HECTD4: variants seen among roughly 807,000 people sequenced by gnomAD.
HECTD4 encodes HECT domain E3 ubiquitin protein ligase 4, also known as probable E3 ubiquitin-protein ligase HECTD4.
Under a neutral mutation model 471.5 loss-of-function variants are expected in HECTD4, and 114 were observed. That is an observed-to-expected ratio of 0.24 (90% CI 0.21 to 0.28). The LOEUF (loss-of-function observed/expected upper bound fraction) is 0.28. Ranked by LOEUF, HECTD4 falls within the 10% of genes least tolerant of loss-of-function variation. The pLI is 1.00. For synonymous variants in HECTD4, 2,012 were observed against 2,256.0 expected (o/e 0.89, Z 3.07); for missense variants, 3,866 against 5,651.5 (o/e 0.68, Z 10.13).
At chr12:112,308,462 A>AC (rs1461281096) in intron 6 of HECTD4, among the ~76,000 whole-genome samples, 10 of 151,886 alleles carry the variant, frequency 6.6e-5, no homozygotes, top group Admixed American at 1.3e-4. Flanking sequence ...ACAAAACAAA[A>AC]AAAAAAAACC....
At chr12:112,373,416 G>A (rs2036720611) in intron 1 of HECTD4, among the ~76,000 whole-genome samples, 1 of 152,060 alleles carries the variant, frequency 6.6e-6, no homozygotes, top group African/African-American at 2.4e-5. Context: ...GAGTTACTCG[G>A]GAGGCTGAGG....
intron 7 of HECTD4, among the ~76,000 whole-genome samples, chr12:112,292,813 G>A (rs2034916378): frequency 6.6e-6 from 1 of 152,090 alleles, no homozygotes; most frequent in Admixed American, 6.6e-5. Flanking sequence ...ACAAGGTCAG[G>A]AGTTTGAGAC....
intron 23 of HECTD4, among the ~76,000 whole-genome samples, 193 bp from the exon 24 acceptor site, chr12:112,251,327 T>A (rs1451375865): frequency 1.3e-5 from 2 of 152,204 alleles, no homozygotes; most frequent in African/African-American, 4.8e-5. Flanking sequence ...GAGTGAAGTC[T>A]CAACACATTT....
At chr12:112,290,988 A>G (rs948855224) in intron 7 of HECTD4, among the ~76,000 whole-genome samples, 1 of 152,088 alleles carries the variant, frequency 6.6e-6, no homozygotes, top group African/African-American at 2.4e-5. Context: ...TACCACCTCC[A>G]TCATTACTTC....
intron 1 of HECTD4, among the ~76,000 whole-genome samples, chr12:112,355,079 C>T (rs2036310081): frequency 6.7e-6 from 1 of 150,194 alleles, no homozygotes; most frequent in Non-Finnish European, 1.5e-5. Flanking sequence ...CTCCCGGGTT[C>T]AAGCCATTCT....
intron 1 of HECTD4, among the ~76,000 whole-genome samples, chr12:112,348,433 A>C (rs1420070608): frequency 1.3e-5 from 2 of 152,234 alleles, no homozygotes; most frequent in Non-Finnish European, 2.9e-5. Context: ...TAAAACTTAT[A>C]TTCACTAAAA....
chr12:112,235,474 A>G lies in HECTD4; in HGVS notation c.5725+30T>C, dbSNP rs376533136. 59 of 1,579,008 alleles carry G rather than the reference A, an allele frequency of 3.7e-5. 1 individual carries two copies. The South Asian group carries it at 4.5e-4, about 12-fold the overall frequency. ...CTGGGCACAGGAATGCTGCACTGCC[A>G]TGCTACTCTCCTGTTGAGGAGCTTC... On this transcript the variant is annotated intron_variant, in intron 36 of 75. Coordinates refer to ENST00000682272, the MANE Select transcript of HECTD4 (RefSeq NM_001388303.1). This position sits in a 1 kb window ranked among gnomAD's most constrained non-coding sequence, Gnocchi z 5.0.
Position 112,382,249 on chromosome 12 carries a change from G to A in HECTD4, c.-121C>T. The stretch of plus-strand genomic sequence containing the variant: ...CGCGCCCGCCAGCGGCGCCCCACTT[G>A]CTGCCTCGCCCGTGCAACTCCGCCC... On this transcript the variant is annotated 5_prime_UTR_variant, in exon 1 of 76. Coordinates refer to ENST00000682272, the MANE Select transcript of HECTD4 (RefSeq NM_001388303.1). 1 of 853,474 alleles carries A rather than the reference G, an allele frequency of 1.2e-6. No individual in the cohort carries two copies. The highest frequency in any genetic ancestry group is 1.5e-6 in the Non-Finnish European group (1 of 652,988). The allele number at this position is 853,474 out of a possible 1,614,324, so 52.9% of individuals were successfully genotyped here. A position where few individuals can be genotyped will look rare whatever the true frequency, so the allele number is the denominator to read the frequency against.
intron 6 of HECTD4, among the ~76,000 whole-genome samples, chr12:112,307,847 G>A (rs2035295011): frequency 6.6e-6 from 1 of 152,246 alleles, no homozygotes; most frequent in African/African-American, 2.4e-5. Context: ...AGTGTAAAGA[G>A]TTCAAAGTAC....
At chr12:112,205,179 T>C (rs1419596675) in intron 52 of HECTD4, among the ~76,000 whole-genome samples, 1 of 148,630 alleles carries the variant, frequency 6.7e-6, no homozygotes, top group Non-Finnish European at 1.5e-5. Context: ...CTCACGCCTA[T>C]AATCCCAACA....
In HECTD4 at chr12:112,167,356, C is replaced by T. The variant is rs201036210; in HGVS notation, c.12495G>A (p.Ala4165=). Residue 4165 remains alanine, a synonymous_variant, in exon 72 of 76, where the codon GCG becomes GCA. Coordinates refer to ENST00000682272, the MANE Select transcript of HECTD4 (RefSeq NM_001388303.1). ...TGACGTAATTGTAGGTGAGGATATC[C>T]GCTTCCTGCAGGTCTTGCTCAGGGT... ...PLDPEQDLQE[A]DILTYNYVKK... 4.3e-5 allele frequency: 70 copies of T among 1,613,432 alleles called. No homozygotes were observed. Among genetic ancestry groups the T allele is most frequent in the African/African-American group, 1.1e-4 (8 of 74,940 alleles).
intron 55 of HECTD4, among the ~76,000 whole-genome samples, chr12:112,197,175 G>A (rs2135528033): frequency 6.6e-6 from 1 of 152,082 alleles, no homozygotes; most frequent in South Asian, 2.1e-4. Flanking sequence ...GCCTCCCAAA[G>A]TGCTAAGATT....
At chr12:112,233,189 T>A in intron 37 of HECTD4, 104 bp from the exon 38 acceptor site, 11 of 519,266 alleles carry the variant, frequency 2.1e-5, no homozygotes, top group Non-Finnish European at 3.5e-5. Flanking sequence ...TATTATACAC[T>A]AACATTAGCT....
Position 112,162,988 on chromosome 12 carries a change from A to G in HECTD4, c.13120+54T>C, listed in dbSNP as rs776958855. The G allele has an allele frequency of 7.2e-7, 1 of 1,392,176 alleles. No homozygotes were observed. The highest frequency in any genetic ancestry group is 1.0e-6 in the Non-Finnish European group (1 of 1,003,884). 86.2% of individuals were successfully genotyped at this position (1,392,176 alleles called of 1,614,324 possible). A position where few individuals can be genotyped will look rare whatever the true frequency, so the allele number is the denominator to read the frequency against. ...TGGGGCCTGGCAGCCCCAGTTCCAA[A>G]CAGAGAAAGGCTAGTGTGTCCCTAC... is the stretch of plus-strand genomic sequence containing the variant. On this transcript the variant is annotated intron_variant, in intron 75 of 75. Transcript: ENST00000682272. The surrounding 1 kb of genome is among the most constrained non-coding windows in gnomAD (Gnocchi z 5.2).
chr12:112,334,533 G>A (rs1002339644), intron 1 of HECTD4, among the ~76,000 whole-genome samples: 2 of 150,768 alleles, frequency 1.3e-5, no homozygotes, highest in Non-Finnish European at 2.9e-5. Flanking sequence ...GGTGGCTCAC[G>A]CCTGTAATCC....
At chr12:112,217,654 A>AGGCACATATATT (rs1477803579) in intron 45 of HECTD4, among the ~76,000 whole-genome samples, 12 of 152,240 alleles carry the variant, frequency 7.9e-5, no homozygotes, top group Non-Finnish European at 1.0e-4. Context: ...ATGCCCAGCC[A>AGGCACATATATT]GGCACATATA....
At chr12:112,318,643 G>C (rs2035531783) in intron 2 of HECTD4, among the ~76,000 whole-genome samples, 1 of 152,176 alleles carries the variant, frequency 6.6e-6, no homozygotes, top group Non-Finnish European at 1.5e-5. Flanking sequence ...CAAAGTGCTA[G>C]GATTACAAGC....
At chr12:112,365,449 ATTTT>A (rs971630625) in intron 1 of HECTD4, among the ~76,000 whole-genome samples, 1 of 152,032 alleles carries the variant, frequency 6.6e-6, no homozygotes, top group South Asian at 2.1e-4. Flanking sequence ...TTCTTTTAAA[ATTTT>A]TTTTGCATGA....
At chr12:112,377,031 C>G (rs886706891) in intron 1 of HECTD4, among the ~76,000 whole-genome samples, 1 of 152,270 alleles carries the variant, frequency 6.6e-6, no homozygotes, top group Middle Eastern at 3.4e-3. Flanking sequence ...AGAATCGCCT[C>G]AACCCGGGAG....
Sources: allele counts gnomAD v4.1 joint callset (sites outside exome capture counted in the v4.1 genomes callset), GRCh38; gene constraint gnomAD v4.1.1; non-coding constraint Gnocchi (gnomAD v3.1); transcripts MANE v1.5; gene names NCBI Gene and HGNC (gene_info 2026-07-23, HGNC 2026-07-21).